The following CEP104 variants were observed in gnomAD, a reference collection of about 807,000 sequenced individuals.
CEP104 encodes centrosomal protein 104.
Under a neutral mutation model 113.3 loss-of-function variants are expected in CEP104, and 84 were observed. The observed-to-expected ratio is 0.74, with a 90% confidence interval of 0.62 to 0.89. CEP104 has a LOEUF of 0.89. Among genes scored for constraint, CEP104 ranks in the 40% least tolerant of loss-of-function variants. CEP104 has a pLI of 0.00. For missense variants in CEP104, 1,053 were observed against 1,156.6 expected (o/e 0.91, Z 1.30); for synonymous variants, 378 against 421.7 (o/e 0.90, Z 1.27).
intron 8 of CEP104, among the ~76,000 whole-genome samples, chr1:3,838,257 ATCC>A (rs1439105284): frequency 6.6e-6 from 1 of 152,026 alleles, no homozygotes; most frequent in East Asian, 1.9e-4. Context: ...GGCCCAAGTG[ATCC>A]TCCTGTCTCA....
rs1644368686 is a variant in CEP104, at chr1:3,839,139, C to G, written c.736-20G>C. ...ACCAACCTGAAGCACAAAATATTTG[C>G]TTTTTCTTTCAAATTTGGATCAACT... On this transcript the variant is annotated intron_variant, in intron 7 of 21. Coordinates refer to ENST00000378230, the MANE Select transcript of CEP104 (RefSeq NM_014704.4). The G allele has an allele frequency of 6.2e-7, 1 of 1,611,816 alleles. No individual in the cohort carries two copies.
intron 2 of CEP104, 31 bp from the exon 3 acceptor site, chr1:3,848,812 A>G: frequency 6.3e-7 from 1 of 1,586,278 alleles, no homozygotes; most frequent in Non-Finnish European, 8.6e-7. Context: ...ATATTTTCTG[A>G]ACAACTTCTG....
chr1:3,834,828 ACCAACTGGTCCTCTC>A, intron 11 of CEP104, 82 bp downstream of exon 11: 1 of 1,152,346 alleles, frequency 8.7e-7, no homozygotes. Flanking sequence ...CACGTCAATG[ACCAACTGGTCCTCTC>A]TCAAGCTGCT....
chr1:3,835,160 CTTTG>C (rs1644286748), intron 10 of CEP104, 68 bp from the exon 11 acceptor site: 1 of 1,218,782 alleles, frequency 8.2e-7, no homozygotes, highest in Non-Finnish European at 1.1e-6. Context: ...AACTTGAAGG[CTTTG>C]TTTTTTTTTT....
In CEP104 at chr1:3,819,340, T is replaced by C. The variant is rs554760667; in HGVS notation, c.2572-2970A>G. 3.9e-5 allele frequency among the ~76,000 whole-genome samples: 6 copies of C among 152,194 alleles called. No homozygotes were observed. In the East Asian group the frequency reaches 9.6e-4, roughly 24 times the overall value. ...GGGGCTGGGGAGAAAAGGGGCGGCA[T>C]GTAGGCAGTGTTGTCTTTTGGGTGA... On this transcript the variant is annotated intron_variant, in intron 20 of 21. Transcript: ENST00000378230. This position sits in a 1 kb window ranked among gnomAD's most constrained non-coding sequence, Gnocchi z 4.6.
intron 20 of CEP104, 174 bp downstream of exon 20, chr1:3,823,000 T>C (rs903480324): frequency 1.4e-5 from 9 of 650,640 alleles, no homozygotes; most frequent in Non-Finnish European, 2.2e-5. Context: ...TGTGAACACG[T>C]AGGTAAACGG....
At chr1:3,848,580 C>T (rs1286153145) in intron 3 of CEP104, 28 bp downstream of exon 3, 19 of 1,563,014 alleles carry the variant, frequency 1.2e-5, no homozygotes, top group Non-Finnish European at 1.6e-5. Flanking sequence ...TAAAAGCTGC[C>T]ATGATACATT....
At position 3,813,770 on chromosome 1, in the gene CEP104, A is replaced by C. The variant is rs909738147; in HGVS notation, c.*1632T>G. 1.3e-5 allele frequency: 2 copies of C among 151,864 alleles called. No homozygotes were observed. The highest frequency in any genetic ancestry group is 2.9e-5 in the Non-Finnish European group (2 of 68,008). The allele number at this position is 151,864 out of a possible 1,614,324, so 9.4% of individuals were successfully genotyped here. On this transcript the variant is annotated 3_prime_UTR_variant, in exon 22 of 22. Coordinates refer to ENST00000378230, the MANE Select transcript of CEP104 (RefSeq NM_014704.4). ...GAGGCTGAGGCAGGAGAATTGCTTG[A>C]ACCCAGGAGGTGGAGGTTACTGTGA...
rs1171299219 is a variant in CEP104, at chr1:3,823,264, C to G, written c.2504-23G>C. ...CAGCTGAAATGATTTTAAAAAGACT[C>G]AGTCGCTCCCTGAATGACAGGCGAC... On this transcript the variant is annotated intron_variant, in intron 19 of 21. Coordinates refer to ENST00000378230, the MANE Select transcript of CEP104 (RefSeq NM_014704.4). The surrounding 1 kb of genome is among the most constrained non-coding windows in gnomAD (Gnocchi z 4.1). 1 of 1,613,880 alleles carries G rather than the reference C, an allele frequency of 6.2e-7. No individual in the cohort carries two copies. Among genetic ancestry groups the G allele is most frequent in the African/African-American group, 1.3e-5 (1 of 74,918 alleles).
At chr1:3,845,146 G>A in intron 5 of CEP104, 143 bp downstream of exon 5, 1 of 817,148 alleles carries the variant, frequency 1.2e-6, no homozygotes, top group Non-Finnish European at 2.0e-6. Context: ...ATATGCTACA[G>A]CTCCTAAAAA....
intron 21 of CEP104, chr1:3,816,042 CCA>C (rs570042857): frequency 3.1e-5 from 14 of 458,908 alleles, no homozygotes; most frequent in Non-Finnish European, 5.4e-5. Flanking sequence ...GAATCCTAGG[CCA>C]CCCGTGGAGC....
In CEP104 at chr1:3,834,992, T is replaced by C. The variant is rs775127230; in HGVS notation, c.1418A>G (p.Asp473Gly). 1.2e-6 allele frequency: 2 copies of C among 1,613,640 alleles called. No individual in the cohort carries two copies. Among genetic ancestry groups the C allele is most frequent in the South Asian group, 2.2e-5 (2 of 90,914 alleles). ...MEMPVGTPKE[D>G]LKNTLRASVF... ...GGATGCTCTCAGTGTGTTCTTTAAA[T>C]CTTCTTTTGGGGTTCCAACAGGCAT... is the stretch of plus-strand genomic sequence containing the variant. Residue 473 changes from aspartate (D) to glycine (G), a missense_variant, in exon 11 of 22, where the codon GAT becomes GGT. Physicochemically the swap from Asp to Gly is moderately conservative, Grantham distance 94 (BLOSUM62 -1). Transcript: ENST00000378230.
At chr1:3,818,483 A>G (rs1487956990) in intron 20 of CEP104, among the ~76,000 whole-genome samples, 3 of 152,068 alleles carry the variant, frequency 2.0e-5, no homozygotes, top group Non-Finnish European at 2.9e-5. Context: ...TGTGTCCAGA[A>G]TCTGACCACT....
chr1:3,831,919 G>C (rs556579886), intron 12 of CEP104, among the ~76,000 whole-genome samples: 1 of 152,266 alleles, frequency 6.6e-6, no homozygotes, highest in East Asian at 1.9e-4. Flanking sequence ...AAATCTAAAA[G>C]CTAAGAGAAG....
intron 6 of CEP104, 54 bp from the exon 7 acceptor site, chr1:3,839,830 T>A (rs1644382457): frequency 7.0e-7 from 1 of 1,424,708 alleles, no homozygotes. Context: ...AGGAGTTCAG[T>A]GCTGAAGATG....
intron 9 of CEP104, 114 bp from the exon 10 acceptor site, chr1:3,836,806 A>G: frequency 3.8e-6 from 3 of 793,570 alleles, no homozygotes; most frequent in Non-Finnish European, 4.0e-6. Context: ...GAAAGATGTT[A>G]TTTTGCTAAA....
chr1:3,830,927 T>G lies in CEP104; in HGVS notation c.1836+119A>C, dbSNP rs1644193815. ...ATTTGTTGGATGAAACACTGGCTAT[T>G]TTTCTGAAATCACTGCCTCAGTCAT... On this transcript the variant is annotated intron_variant, in intron 13 of 21. Transcript: ENST00000378230. 3 of 1,087,240 alleles carry G rather than the reference T, an allele frequency of 2.8e-6. No individual in the cohort carries two copies. In the Admixed American group the frequency reaches 8.6e-5, roughly 31 times the overall value. 67.3% of individuals were successfully genotyped at this position (1,087,240 alleles called of 1,614,324 possible). A position where few individuals can be genotyped will look rare whatever the true frequency, so the allele number is the denominator to read the frequency against.
chr1:3,845,566 C>T (rs1162780069), intron 4 of CEP104, among the ~76,000 whole-genome samples: 2 of 152,046 alleles, frequency 1.3e-5, no homozygotes, highest in African/African-American at 4.8e-5. Context: ...CCACCATGCC[C>T]TGCTAATTTT....
At chr1:3,837,134 T>C (rs1402708966) in intron 9 of CEP104, 158 bp downstream of exon 9, 1 of 620,842 alleles carries the variant, frequency 1.6e-6, no homozygotes, top group Admixed American at 2.9e-5. Flanking sequence ...TATGTGGCTA[T>C]GCTCTCACTC....
Sources: allele counts gnomAD v4.1 joint callset (sites outside exome capture counted in the v4.1 genomes callset), GRCh38; gene constraint gnomAD v4.1.1; non-coding constraint Gnocchi (gnomAD v3.1); transcripts MANE v1.5; gene names NCBI Gene and HGNC (gene_info 2026-07-23, HGNC 2026-07-21).